Variants in RIMBP2 observed in about 807,000 individuals in gnomAD.
The protein encoded by RIMBP2 is RIMS binding protein 2, also known as RIMS-binding protein 2.
Under a neutral mutation model 118.6 loss-of-function variants are expected in RIMBP2, and 48 were observed. The ratio of observed to expected loss-of-function variants is 0.40; its 90% CI spans 0.32 to 0.51. RIMBP2 has a LOEUF of 0.51. RIMBP2 is among the 20% of genes least tolerant of loss of function. The pLI is 0.41. For synonymous variants in RIMBP2, 762 were observed against 742.9 expected, an observed-to-expected ratio of 1.03 and a Z score of -0.42; for missense variants, 1,551 against 1,768.3, an observed-to-expected ratio of 0.88 and a Z score of 2.20.
chr12:130,546,097 CTTTT>C (rs56407634), intron 2 of RIMBP2, among the ~76,000 whole-genome samples: 4 of 103,538 alleles, frequency 3.9e-5, no homozygotes, highest in East Asian at 3.0e-4. Flanking sequence ...ATCACTGCTT[CTTTT>C]TTTTTTTTTT....
intron 2 of RIMBP2, among the ~76,000 whole-genome samples, chr12:130,569,876 T>C (rs543363646): frequency 6.6e-6 from 1 of 152,302 alleles, no homozygotes; most frequent in South Asian, 2.1e-4. Context: ...GTATATGGCC[T>C]GATACAACAT....
At chr12:130,559,017 G>A (rs1347482461) in intron 2 of RIMBP2, among the ~76,000 whole-genome samples, 2 of 151,930 alleles carry the variant, frequency 1.3e-5, no homozygotes, top group Admixed American at 6.6e-5. Flanking sequence ...CTTCTCTTAT[G>A]CCAATACCTT....
chr12:130,632,630 C>A (rs915989994), intron 1 of RIMBP2, among the ~76,000 whole-genome samples: 13 of 152,148 alleles, frequency 8.5e-5, no homozygotes, highest in Non-Finnish European at 1.0e-4. Context: ...GGCTAAGGGG[C>A]TTTAATATCT....
At position 130,597,865 on chromosome 12, in the gene RIMBP2, T is replaced by C. The variant is rs548021283; in HGVS notation, c.-217+30457A>G. The stretch of plus-strand genomic sequence containing the variant: ...TCACCCTTACCACTTCTATTTAAAA[T>C]TGTACTGGAGATTTAAGCCAATGCA... On this transcript the variant is annotated intron_variant, in intron 2 of 22. Coordinates refer to ENST00000690449, the MANE Select transcript of RIMBP2 (RefSeq NM_001393629.1). 3.3e-5 allele frequency among the ~76,000 whole-genome samples: 5 copies of C among 152,286 alleles called. No homozygotes were observed. The South Asian group carries it at 8.3e-4, about 25-fold the overall frequency.
At chr12:130,582,508 A>T in intron 2 of RIMBP2, among the ~76,000 whole-genome samples, 1 of 152,196 alleles carries the variant, frequency 6.6e-6, no homozygotes, top group Non-Finnish European at 1.5e-5. Context: ...AAGAGGGATG[A>T]CGCATGGCAC....
intron 2 of RIMBP2, among the ~76,000 whole-genome samples, chr12:130,532,148 ATGAGATG>A (rs2139351942): frequency 6.7e-6 from 1 of 150,088 alleles, no homozygotes; most frequent in African/African-American, 2.5e-5. Flanking sequence ...GTTACGTCTA[ATGAGATG>A]CGTGTGTTTA....
chr12:130,631,752 AG>A (rs2062008775), intron 1 of RIMBP2, among the ~76,000 whole-genome samples: 1 of 152,314 alleles, frequency 6.6e-6, no homozygotes, highest in East Asian at 1.9e-4. Context: ...AACCACTAAA[AG>A]TATTGAAAGT....
In RIMBP2 at chr12:130,531,893, A is replaced by G. The variant is rs1338627314; in HGVS notation, c.-216-13976T>C. On this transcript the variant is annotated intron_variant, in intron 2 of 22. Coordinates refer to ENST00000690449, the MANE Select transcript of RIMBP2 (RefSeq NM_001393629.1). ...AGGAGTTACGTCTAATGAGATGCGTATGTTTAGCCTCTAGGAGTTACGTCT... is the reference window on the plus strand; with the variant it reads ...AGGAGTTACGTCTAATGAGATGCGTGTGTTTAGCCTCTAGGAGTTACGTCT... Among the ~76,000 whole-genome samples the G allele has an allele frequency of 9.8e-4, 127 of 129,714 alleles. 1 individual carries two copies. The highest frequency in any genetic ancestry group is 3.0e-3 in the Admixed American group (40 of 13,314). The allele number at this position is 129,714 out of a possible 152,430, so 85.1% of individuals were successfully genotyped here.
At chr12:130,652,818 G>A (rs1316817500) in intron 1 of RIMBP2, among the ~76,000 whole-genome samples, 1 of 152,188 alleles carries the variant, frequency 6.6e-6, no homozygotes. Flanking sequence ...AGGGAAGCCA[G>A]CACATCACGT....
chr12:130,551,137 A>G (rs576398209), intron 2 of RIMBP2, among the ~76,000 whole-genome samples: 1 of 152,220 alleles, frequency 6.6e-6, no homozygotes, highest in African/African-American at 2.4e-5. Context: ...AACTCTCAGA[A>G]GATTAAATCA....
At chr12:130,474,461 A>G (rs1044418071) in intron 5 of RIMBP2, among the ~76,000 whole-genome samples, 2 of 152,178 alleles carry the variant, frequency 1.3e-5, no homozygotes, top group African/African-American at 4.8e-5. Context: ...GCGATGTCCT[A>G]CGAGTCCGAC....
Position 130,409,529 on chromosome 12 carries a change from A to G in RIMBP2, c.3590-1700T>C, listed in dbSNP as rs1220826834. On this transcript the variant is annotated intron_variant, in intron 19 of 22. Transcript: ENST00000690449. Reference sequence around the variant, plus strand: ...GGCTAATTTTTTTGTATTTTTTTGTATAGACGGGGTTTCACCGTGTTAGCC... The same window carrying G: ...GGCTAATTTTTTTGTATTTTTTTGTGTAGACGGGGTTTCACCGTGTTAGCC... Among the ~76,000 whole-genome samples the G allele has an allele frequency of 2.6e-5, 4 of 151,632 alleles. No individual in the cohort carries two copies. In the East Asian group the frequency reaches 7.8e-4, roughly 30 times the overall value.
At chr12:130,489,483 A>T (rs1306054513) in intron 4 of RIMBP2, among the ~76,000 whole-genome samples, 2 of 152,142 alleles carry the variant, frequency 1.3e-5, no homozygotes, top group East Asian at 3.9e-4. Flanking sequence ...GTCAGTCAAC[A>T]GGCAGCATCG....
chr12:130,608,907 C>T (rs534215653), intron 2 of RIMBP2, among the ~76,000 whole-genome samples: 151 of 152,194 alleles, frequency 9.9e-4, no homozygotes, highest in African/African-American at 3.4e-3. Flanking sequence ...TGTAATTACA[C>T]GTCCTTTAAC....
At chr12:130,489,167 T>C (rs1410186176) in intron 4 of RIMBP2, among the ~76,000 whole-genome samples, 1 of 152,232 alleles carries the variant, frequency 6.6e-6, no homozygotes, top group East Asian at 1.9e-4. Flanking sequence ...AAGTAACTTT[T>C]ACCCTTGTCT....
intron 2 of RIMBP2, among the ~76,000 whole-genome samples, chr12:130,626,982 C>T (rs2061681044): frequency 6.6e-6 from 1 of 152,046 alleles, no homozygotes; most frequent in East Asian, 1.9e-4. Context: ...TCACCATCAT[C>T]TTCTCCATCA....
At chr12:130,545,684 C>T (rs2055064990) in intron 2 of RIMBP2, among the ~76,000 whole-genome samples, 1 of 152,120 alleles carries the variant, frequency 6.6e-6, no homozygotes, top group Non-Finnish European at 1.5e-5. Flanking sequence ...GAGCCGCCGT[C>T]GAGTGTCACG....
chr12:130,422,553 C>A lies in RIMBP2; in HGVS notation c.3138G>T (p.Gly1046=), dbSNP rs759369219. Residue 1046 remains glycine (G), a synonymous_variant, in exon 17 of 23, where the codon GGG becomes GGT. Coordinates refer to ENST00000690449, the MANE Select transcript of RIMBP2 (RefSeq NM_001393629.1). The surrounding 1 kb of genome is among the most constrained non-coding windows in gnomAD (Gnocchi z 5.2). The stretch of plus-strand genomic sequence containing the variant: ...CCACCCGTCCTGCAGAGGCTGGGTT[C>A]CCTAAAATCTAAAGACAAAACAACA... ...PRVAQGPLIL[G]NPASAGRVDH... 1 of 1,604,986 alleles carries A rather than the reference C, an allele frequency of 6.2e-7. No individual in the cohort carries two copies. The highest frequency in any genetic ancestry group is 1.3e-5 in the African/African-American group (1 of 74,868).
At chr12:130,451,485 G>A (rs2079007727) in intron 7 of RIMBP2, 145 bp from the exon 8 acceptor site, 2 of 901,264 alleles carry the variant, frequency 2.2e-6, no homozygotes, top group South Asian at 1.7e-5. Flanking sequence ...TCTCCTGCTC[G>A]CCATCTATGT....
Sources: allele counts gnomAD v4.1 joint callset (sites outside exome capture counted in the v4.1 genomes callset), GRCh38; gene constraint gnomAD v4.1.1; non-coding constraint Gnocchi (gnomAD v3.1); transcripts MANE v1.5; gene names NCBI Gene and HGNC (gene_info 2026-07-23, HGNC 2026-07-21).